DOCK11: variants seen among roughly 807,000 people sequenced by gnomAD.
DOCK11 encodes the protein dedicator of cytokinesis 11, also known as dedicator of cytokinesis protein 11.
Under a neutral mutation model 169.1 loss-of-function variants are expected in DOCK11, and 70 were observed. The observed-to-expected ratio is 0.41, with a 90% CI of 0.34 to 0.51. DOCK11 has a LOEUF of 0.51. DOCK11 is among the 20% of genes least tolerant of loss of function. The pLI is 0.10. For synonymous variants in DOCK11, 529 were observed against 541.3 expected (o/e 0.98, Z 0.32); for missense variants, 1,166 against 1,538.8 (o/e 0.76, Z 4.05).
intron 42 of DOCK11, among the ~76,000 whole-genome samples, chrX:118,652,798 TC>T (rs760557202): frequency 1.8e-5 from 2 of 112,489 alleles, no homozygotes; most frequent in African/African-American, 6.4e-5. Context: ...GAATGAATCA[TC>T]CCCATTCTTG....
At chrX:118,503,069 A>G (rs949299669) in intron 1 of DOCK11, among the ~76,000 whole-genome samples, 2 of 73,048 alleles carry the variant, frequency 2.7e-5, no homozygotes, top group Non-Finnish European at 5.2e-5. Flanking sequence ...GAGAGATAAC[A>G]AAGGCTTTTT....
At chrX:118,581,574 C>A (rs1326902758) in intron 14 of DOCK11, among the ~76,000 whole-genome samples, 7 of 109,735 alleles carry the variant, frequency 6.4e-5, no homozygotes, top group African/African-American at 2.3e-4. Flanking sequence ...GAGGCCGAGG[C>A]GGGTGGATCA....
rs762400390 is a variant in DOCK11 at position 118,596,779 on chromosome X, C to G, written c.2264-652C>G. On this transcript the variant is annotated intron_variant, in intron 20 of 52. Transcript: ENST00000276202. The stretch of plus-strand genomic sequence containing the variant: ...ATTGGGGAAAATCTCTTGATGGATT[C>G]AAGTCATAAACACTATTTCCTGCCT... Among the ~76,000 whole-genome samples the G allele has an allele frequency of 4.5e-5, 5 of 111,827 alleles. No individual in the cohort carries two copies. In the East Asian group the frequency reaches 1.4e-3, roughly 31 times the overall value.
chrX:118,647,796 A>T (rs866379586), intron 40 of DOCK11, among the ~76,000 whole-genome samples: 527 of 40,866 alleles, frequency 0.013, 12 homozygotes, highest in African/African-American at 0.052. Context: ...AATATATTAT[A>T]ATATATAATA....
At chrX:118,635,217 A>G (rs1217666067) in intron 35 of DOCK11, among the ~76,000 whole-genome samples, 1 of 111,818 alleles carries the variant, frequency 8.9e-6, no homozygotes. Flanking sequence ...CTTGTCTTCC[A>G]TCTTTATCAT....
chrX:118,663,674 C>CTTT (rs751159854), intron 45 of DOCK11, among the ~76,000 whole-genome samples: 1,571 of 59,979 alleles, frequency 0.026, 60 homozygotes, highest in South Asian at 0.048. Flanking sequence ...GCATCAAAGT[C>CTTT]TTTTTTTTTT....
intron 29 of DOCK11, 68 bp from the exon 30 acceptor site, chrX:118,615,532 T>G: frequency 1.2e-6 from 1 of 863,011 alleles, no homozygotes; most frequent in Non-Finnish European, 1.7e-6. Flanking sequence ...AATAATGCGC[T>G]GTATTAAATT....
At chrX:118,568,370 TTATA>T (rs397839351) in intron 10 of DOCK11, among the ~76,000 whole-genome samples, 173 of 36,625 alleles carry the variant, frequency 4.7e-3, no homozygotes, top group Middle Eastern at 0.022. Flanking sequence ...TGGGGCTGAA[TTATA>T]TATATATATA....
chrX:118,629,296 G>C (rs2015179952), intron 34 of DOCK11, among the ~76,000 whole-genome samples: 1 of 111,343 alleles, frequency 9.0e-6, no homozygotes, highest in African/African-American at 3.3e-5. Context: ...GGCAAATAAA[G>C]GTCAGAGAGG....
At chrX:118,672,917 G>T (rs976889744) in intron 46 of DOCK11, among the ~76,000 whole-genome samples, 2 of 112,040 alleles carry the variant, frequency 1.8e-5, no homozygotes, top group Non-Finnish European at 3.8e-5. Context: ...TACTTTTGGT[G>T]TATATGGGGC....
chrX:118,627,610 C>T (rs371492616), intron 33 of DOCK11, 31 bp downstream of exon 33: 13 of 1,069,228 alleles, frequency 1.2e-5, no homozygotes, highest in African/African-American at 1.8e-5. Flanking sequence ...TGATACATTG[C>T]GTGGGTGTTT....
intron 49 of DOCK11, 100 bp from the exon 50 acceptor site, chrX:118,680,958 A>C (rs1434843144): frequency 2.6e-6 from 2 of 779,619 alleles, no homozygotes; most frequent in African/African-American, 4.2e-5. Flanking sequence ...TTCTAGATAA[A>C]GGATGGGGAG....
chrX:118,521,043 ACTCC>A (rs2057718344), intron 1 of DOCK11, among the ~76,000 whole-genome samples: 1 of 109,871 alleles, frequency 9.1e-6, no homozygotes, highest in African/African-American at 3.3e-5. Context: ...AGCCTTATCT[ACTCC>A]CTCAGGTTCC....
chrX:118,570,206 C>G (rs1046162402), intron 10 of DOCK11, among the ~76,000 whole-genome samples: 1 of 111,706 alleles, frequency 9.0e-6, no homozygotes, highest in Non-Finnish European at 1.9e-5. Context: ...GAGACATGAC[C>G]TTAGAGAATA....
chrX:118,681,215 C>T lies in DOCK11; in HGVS notation c.5829C>T (p.Leu1943=), dbSNP rs2016735703. The change falls in exon 50 of 53, where the codon CTC becomes CTT. Residue 1943 remains leucine, a synonymous_variant. Transcript: ENST00000276202. ...CSSTDVDMIQ[L]QLKLQGCVSV... is the part of the protein sequence containing the mutation. ...CTACTGACGTGGACATGATTCAGCT[C>T]CAACTTAAATTGCAGGGCTGTGTTT... 8.3e-7 allele frequency: 1 copy of T among 1,198,498 alleles called. No homozygotes were observed. The highest frequency in any genetic ancestry group is 1.1e-6 in the Non-Finnish European group (1 of 890,582).
intron 40 of DOCK11, among the ~76,000 whole-genome samples, chrX:118,646,388 A>G (rs1569439975): frequency 9.0e-6 from 1 of 111,252 alleles, no homozygotes; most frequent in Non-Finnish European, 1.9e-5. Context: ...GGAGAGAAAC[A>G]ACGTAGAAGG....
intron 1 of DOCK11, among the ~76,000 whole-genome samples, chrX:118,531,706 C>T (rs1462331857): frequency 8.3e-5 from 9 of 109,007 alleles, no homozygotes; most frequent in Admixed American, 4.0e-4. Flanking sequence ...TACAGGCGCC[C>T]GCCACCACAT....
chrX:118,654,985 A>T (rs372254045), intron 44 of DOCK11, 24 bp downstream of exon 44: 2 of 1,172,200 alleles, frequency 1.7e-6, no homozygotes, highest in Non-Finnish European at 2.3e-6. Context: ...GTTTTTAGAG[A>T]TGGGGGGATT....
Position 118,543,012 on chromosome X carries a change from A to C in DOCK11, c.306A>C (p.Lys102Asn). The C allele has an allele frequency of 8.4e-7, 1 of 1,195,749 alleles. No individual in the cohort carries two copies. Among genetic ancestry groups the C allele is most frequent in the Non-Finnish European group, 1.1e-6 (1 of 882,306 alleles). Residue 102 changes from lysine to asparagine, a missense_variant, in exon 3 of 53, where the codon AAA (lysine) becomes AAC (asparagine). By Grantham distance (94) the Lys-to-Asn change is moderately conservative. Transcript: ENST00000276202. ...AGAGGGCCCAGAGTTTATTTGTTAA[A>C]GAGGTAAGAGGCTCAAAGGCCACAG... ...AEKRAQSLFV[K>N]ECIKTYSTDW...
Sources: allele counts gnomAD v4.1 joint callset (sites outside exome capture counted in the v4.1 genomes callset), GRCh38; gene constraint gnomAD v4.1.1; transcripts MANE v1.5; gene names NCBI Gene and HGNC (gene_info 2026-07-23, HGNC 2026-07-21).